MAP4K3: variants seen among roughly 807,000 people sequenced by gnomAD.
The protein encoded by MAP4K3 is MAPK/ERK kinase kinase kinase 3.
In MAP4K3, 94 loss-of-function variants were observed where a neutral mutation model predicts 143.5. The ratio of observed to expected loss-of-function variants is 0.65; its 90% CI spans 0.55 to 0.78. The LOEUF is 0.78. MAP4K3 is among the 30% of genes least tolerant of loss of function. The probability of loss-of-function intolerance (pLI) is 0.00; values close to 1 mark genes in which losing one functional copy is unlikely to be tolerated. For synonymous variants in MAP4K3, 416 were observed against 347.2 expected (o/e 1.20, Z -2.20); for missense variants, 1,077 against 1,068.1 (o/e 1.01, Z -0.12).
intron 18 of MAP4K3, among the ~76,000 whole-genome samples, chr2:39,291,161 T>C (rs1302352833): frequency 6.6e-6 from 1 of 152,172 alleles, no homozygotes; most frequent in East Asian, 1.9e-4. Flanking sequence ...AAATGATAAA[T>C]GTTTGAGATG....
At chr2:39,325,696 AATAT>A in intron 11 of MAP4K3, 30 bp downstream of exon 11, 1 of 1,538,224 alleles carries the variant, frequency 6.5e-7, no homozygotes, top group Non-Finnish European at 8.9e-7. Flanking sequence ...TATCTTTTGA[AATAT>A]ATATATATAT....
intron 3 of MAP4K3, among the ~76,000 whole-genome samples, chr2:39,345,978 T>A (rs1665279956): frequency 3.7e-5 from 5 of 136,566 alleles, no homozygotes; most frequent in Non-Finnish European, 7.9e-5. Flanking sequence ...TCTGAAGCCA[T>A]CCAGGATCTG....
chr2:39,303,759 A>G (rs967285938), intron 15 of MAP4K3, among the ~76,000 whole-genome samples: 1 of 151,976 alleles, frequency 6.6e-6, no homozygotes, highest in African/African-American at 2.4e-5. Flanking sequence ...CTGGTCTCGA[A>G]CTCCTGACCT....
intron 1 of MAP4K3, among the ~76,000 whole-genome samples, chr2:39,424,793 T>C (rs1216088047): frequency 7.6e-6 from 1 of 131,604 alleles, no homozygotes; most frequent in East Asian, 2.2e-4. Context: ...ATTGTGCCAG[T>C]GCACACCAGC....
intron 12 of MAP4K3, among the ~76,000 whole-genome samples, chr2:39,323,099 AG>A (rs1162212034): frequency 6.6e-6 from 1 of 152,230 alleles, no homozygotes. Context: ...CAAATAAAAA[AG>A]TTATGAATTT....
chr2:39,252,815 G>A (rs886546992), intron 32 of MAP4K3, among the ~76,000 whole-genome samples: 1 of 152,210 alleles, frequency 6.6e-6, no homozygotes, highest in African/African-American at 2.4e-5. Flanking sequence ...GAAACAACAT[G>A]CTCAGCATGC....
At chr2:39,412,206 C>T (rs760502251) in intron 1 of MAP4K3, among the ~76,000 whole-genome samples, 1 of 152,192 alleles carries the variant, frequency 6.6e-6, no homozygotes, top group Non-Finnish European at 1.5e-5. Flanking sequence ...TAACAGCTAG[C>T]GCGGGTCAGG....
intron 1 of MAP4K3, among the ~76,000 whole-genome samples, chr2:39,406,351 G>C (rs968759210): frequency 2.0e-5 from 3 of 152,104 alleles, no homozygotes; most frequent in Admixed American, 6.5e-5. Context: ...CCTAAACCTA[G>C]AGAAAGATAT....
At chr2:39,372,931 G>T (rs376998262) in intron 2 of MAP4K3, among the ~76,000 whole-genome samples, 1 of 152,050 alleles carries the variant, frequency 6.6e-6, no homozygotes, top group Non-Finnish European at 1.5e-5. Context: ...AGCAAAAATG[G>T]ACAAATGGGA....
At chr2:39,276,963 C>G (rs988994007) in intron 24 of MAP4K3, among the ~76,000 whole-genome samples, 1 of 152,232 alleles carries the variant, frequency 6.6e-6, no homozygotes, top group African/African-American at 2.4e-5. Context: ...CTAAAAGCCA[C>G]TGAATTGTAC....
At chr2:39,353,158 A>C (rs955766008) in intron 3 of MAP4K3, among the ~76,000 whole-genome samples, 2 of 152,214 alleles carry the variant, frequency 1.3e-5, no homozygotes, top group African/African-American at 2.4e-5. Context: ...TAGACTAAGT[A>C]AGTCATTTAT....
chr2:39,298,964 C>G (rs1379363096), intron 16 of MAP4K3, among the ~76,000 whole-genome samples: 1 of 68,508 alleles, frequency 1.5e-5, no homozygotes, highest in African/African-American at 4.2e-5. Context: ...CACTCTGCCT[C>G]AAAAAAAAAA....
At chr2:39,328,087 T>C (rs183782099) in intron 8 of MAP4K3, among the ~76,000 whole-genome samples, 2 of 152,308 alleles carry the variant, frequency 1.3e-5, no homozygotes, top group East Asian at 1.9e-4. Flanking sequence ...TCCTAGCACT[T>C]TGGGAGGCCG....
At chr2:39,379,146 A>G (rs2148582015) in intron 1 of MAP4K3, among the ~76,000 whole-genome samples, 1 of 152,202 alleles carries the variant, frequency 6.6e-6, no homozygotes, top group East Asian at 1.9e-4. Flanking sequence ...AAATCAGTGA[A>G]TCACCTGGCA....
At chr2:39,317,460 A>C (rs78532621) in intron 12 of MAP4K3, among the ~76,000 whole-genome samples, 2 of 152,124 alleles carry the variant, frequency 1.3e-5, no homozygotes, top group South Asian at 2.1e-4. Flanking sequence ...GAAACTATCA[A>C]CAGAGTAAAC....
chr2:39,281,791 T>A (rs1681540671), intron 22 of MAP4K3, among the ~76,000 whole-genome samples: 1 of 150,366 alleles, frequency 6.7e-6, no homozygotes, highest in East Asian at 1.9e-4. Context: ...AAAATTATTT[T>A]AAAATATTTA....
intron 1 of MAP4K3, 192 bp downstream of exon 1, chr2:39,436,700 G>C (rs952779509): frequency 3.4e-6 from 2 of 587,970 alleles, no homozygotes; most frequent in African/African-American, 3.8e-5. Context: ...TAAGGGCTGG[G>C]GAGGTCTCGG....
chr2:39,255,907 G>C (rs906671888), intron 31 of MAP4K3, among the ~76,000 whole-genome samples: 4 of 152,154 alleles, frequency 2.6e-5, no homozygotes, highest in Non-Finnish European at 4.4e-5. Flanking sequence ...CACTGAACCT[G>C]TGGATTAACT....
intron 13 of MAP4K3, 113 bp downstream of exon 13, chr2:39,315,197 A>G (rs1347494251): frequency 1.8e-5 from 12 of 656,028 alleles, no homozygotes; most frequent in Non-Finnish European, 2.4e-5. Flanking sequence ...TTTACCTTTA[A>G]CAGTGTTTAG....
Sources: gnomAD v4.1 joint callset for allele counts (sites outside exome capture counted in the v4.1 genomes callset) on GRCh38, gnomAD v4.1.1 for gene constraint, MANE v1.5 for transcripts, NCBI Gene and HGNC (gene_info 2026-07-23, HGNC 2026-07-21) for gene names.